The following PSMG2 variants were observed in gnomAD, a reference collection of about 807,000 sequenced individuals.
PSMG2 encodes proteasome assembly chaperone 2, also known as CD40 ligand-activated specific transcript 3.
A neutral mutation model predicts 31.5 loss-of-function variants in PSMG2; 21 were observed. That is an observed-to-expected ratio of 0.67 (90% CI 0.47 to 0.96). PSMG2 has a LOEUF of 0.96. Ranked by LOEUF, PSMG2 falls within the 40% of genes least tolerant of loss-of-function variation. PSMG2 has a pLI of 0.00. For synonymous variants in PSMG2, 120 were observed against 110.4 expected, an observed-to-expected ratio of 1.09 and a Z score of -0.54; for missense variants, 318 against 321.2, an observed-to-expected ratio of 0.99 and a Z score of 0.08.
chr18:12,710,889 C>T (rs1047671713), intron 2 of PSMG2, among the ~76,000 whole-genome samples: 1 of 152,098 alleles, frequency 6.6e-6, no homozygotes, highest in Non-Finnish European at 1.5e-5. Context: ...TGCCTGAGCT[C>T]AGGAGTTCGA....
chr18:12,661,467 T>C, intron 1 of PSMG2: 1 of 514,350 alleles, frequency 1.9e-6, no homozygotes, highest in Non-Finnish European at 2.5e-6. Context: ...TTTCTCATTT[T>C]CAATTCAAAT....
At chr18:12,671,642 C>CTTTTTTTTT (rs869130220) in intron 1 of PSMG2, among the ~76,000 whole-genome samples, 2 of 55,546 alleles carry the variant, frequency 3.6e-5, no homozygotes, top group Non-Finnish European at 7.2e-5. Flanking sequence ...TTCACACTTT[C>CTTTTTTTTT]TTTTTTTTTT....
intron 1 of PSMG2, chr18:12,680,732 G>T (rs759147245): frequency 6.2e-7 from 1 of 1,613,638 alleles, no homozygotes; most frequent in South Asian, 1.1e-5. Context: ...CATGCATGAG[G>T]TACTCCTTTT....
At chr18:12,672,742 T>C (rs1441906732) in intron 1 of PSMG2, 1 of 973,074 alleles carries the variant, frequency 1.0e-6, no homozygotes, top group Non-Finnish European at 1.2e-6. Context: ...TATTTCTAAA[T>C]GATTCATGTA....
rs187360197 is a variant in PSMG2, at chr18:12,721,435, C to T, written c.581+752C>T. The stretch of plus-strand genomic sequence containing the variant: ...CACATTTTAACTATATTTAAGCGTA[C>T]AATCAAGTGCCATTAATTCACAGCA... On this transcript the variant is annotated intron_variant, in intron 5 of 6. Coordinates refer to ENST00000317615, the MANE Select transcript of PSMG2 (RefSeq NM_020232.5). Among the ~76,000 whole-genome samples the T allele has an allele frequency of 2.7e-3, 415 of 152,166 alleles. 1 individual carries two copies. The highest frequency in any genetic ancestry group is 4.0e-3 in the Non-Finnish European group (273 of 68,014).
rs188396216 is a variant in PSMG2 at position 12,706,853 on chromosome 18, A to G, written c.229+132A>G. ...AACTTTGTGTAGAGTTCACAACCCAATCACATTGTCCTATTCTTTTATGTC... is the reference window on the plus strand; with the variant it reads ...AACTTTGTGTAGAGTTCACAACCCAGTCACATTGTCCTATTCTTTTATGTC... On this transcript the variant is annotated intron_variant, in intron 2 of 6. Coordinates refer to ENST00000317615, the MANE Select transcript of PSMG2 (RefSeq NM_020232.5). 114 of 885,278 alleles carry G rather than the reference A, an allele frequency of 1.3e-4. 1 individual carries two copies. The African/African-American group carries it at 1.7e-3, about 13-fold the overall frequency. The allele number at this position is 885,278 out of a possible 1,614,324, so 54.8% of individuals were successfully genotyped here.
intron 1 of PSMG2, among the ~76,000 whole-genome samples, chr18:12,704,400 G>A (rs9951576): frequency 0.39 from 59,220 of 151,892 alleles, 11,949 homozygotes; most frequent in Non-Finnish European, 0.45. Flanking sequence ...CAGCCTGGGC[G>A]ACATAGTGAT....
intron 1 of PSMG2, among the ~76,000 whole-genome samples, chr18:12,682,868 C>T (rs1458517577): frequency 6.6e-6 from 1 of 150,664 alleles, no homozygotes; most frequent in East Asian, 2.0e-4. Context: ...GTGATCCACC[C>T]ACCTCGGCCT....
At chr18:12,666,726 G>A (rs2038811904) in intron 1 of PSMG2, among the ~76,000 whole-genome samples, 1 of 151,378 alleles carries the variant, frequency 6.6e-6, no homozygotes, top group Non-Finnish European at 1.5e-5. Flanking sequence ...TGGAATTACA[G>A]GCTTCAGTCA....
upstream of PSMG2, chr18:12,701,044 G>A (rs1258065223): frequency 1.2e-6 from 2 of 1,613,430 alleles, no homozygotes; most frequent in Admixed American, 1.7e-5. Context: ...GATAAATGCT[G>A]TTGATCAGGT....
chr18:12,706,641 A>AT lies in PSMG2; in HGVS notation c.151dup (p.Cys51LeufsTer22). The AT allele has an allele frequency of 2.5e-6, 4 of 1,614,062 alleles. No individual in the cohort carries two copies. Among genetic ancestry groups the AT allele is most frequent in the Non-Finnish European group, 3.4e-6 (4 of 1,179,936 alleles). ...TCTAAGATTGGTTACTTCTATACCG[A>AT]TTGTCTTGTGCCAATGGTTGGAAAC... On this transcript the variant is annotated frameshift_variant, in exon 2 of 7. Transcript: ENST00000317615. LOFTEE classifies it high-confidence loss of function.
rs138065437 is a variant in PSMG2 at position 12,725,467 on chromosome 18, G to A, written c.731G>A (p.Arg244Gln). 314 of 1,603,268 alleles carry A rather than the reference G, an allele frequency of 2.0e-4. No individual in the cohort carries two copies. Among genetic ancestry groups the A allele is most frequent in the African/African-American group, 1.2e-3 (91 of 74,704 alleles). ...GATGACCCCACAGTATCTGCCTCAC[G>A]GTGGAAAATACCAAGTTCTTGGAGA... ...LSDDPTVSASRWKIPSSWRLL... is the reference protein window; with the variant it reads ...LSDDPTVSASQWKIPSSWRLL... Residue 244 changes from arginine (R) to glutamine (Q), a missense_variant, in exon 7 of 7, where the codon CGG becomes CAG. Physicochemically the swap from Arg to Gln is conservative, Grantham distance 43 (BLOSUM62 1). Transcript: ENST00000317615.
Position 12,672,222 on chromosome 18 carries a change from C to T in PSMG2, c.-37+13449C>T, listed in dbSNP as rs373511476. ...CTCTGCCTCCCAGGTTCAAGCGATT[C>T]TCCTGCCTCAGCCTCCTGAGTAGCT... On this transcript the variant is annotated intron_variant, in intron 1 of 6. Transcript: ENST00000585331. Among the ~76,000 whole-genome samples the T allele has an allele frequency of 5.3e-5, 8 of 151,902 alleles. No homozygotes were observed. The East Asian group carries it at 9.7e-4, about 18-fold the overall frequency.
At chr18:12,711,377 C>T (rs1009155941) in intron 2 of PSMG2, among the ~76,000 whole-genome samples, 1 of 152,160 alleles carries the variant, frequency 6.6e-6, no homozygotes, top group Non-Finnish European at 1.5e-5. Flanking sequence ...CCTACAGATA[C>T]ATTCTTTTCA....
At chr18:12,690,345 T>C (rs2039706258) in intron 1 of PSMG2, among the ~76,000 whole-genome samples, 1 of 152,170 alleles carries the variant, frequency 6.6e-6, no homozygotes, top group Non-Finnish European at 1.5e-5. Flanking sequence ...TAACTTAAAA[T>C]AATATACTAC....
upstream of PSMG2, chr18:12,702,943 T>C: frequency 1.3e-6 from 1 of 759,356 alleles, no homozygotes; most frequent in South Asian, 2.1e-5. Flanking sequence ...CTTTCCGCCC[T>C]CTGAACCGGC....
At chr18:12,684,787 G>C (rs2039480827) in intron 1 of PSMG2, 1 of 151,330 alleles carries the variant, frequency 6.6e-6, no homozygotes, top group South Asian at 2.1e-4. Context: ...CTGGCCTAAA[G>C]ATAGTTTTAC....
intron 1 of PSMG2, chr18:12,662,251 G>A: frequency 2.3e-6 from 1 of 432,644 alleles, no homozygotes; most frequent in Non-Finnish European, 4.6e-6. Flanking sequence ...GCCCACAATT[G>A]TAATACCTTA....
upstream of PSMG2, chr18:12,700,950 T>C (rs1256916618): frequency 6.2e-7 from 1 of 1,607,934 alleles, no homozygotes; most frequent in Admixed American, 1.7e-5. Context: ...CCCTAAAAGA[T>C]TACTCACAGT....
Sources: gnomAD v4.1 joint callset for allele counts (sites outside exome capture counted in the v4.1 genomes callset) on GRCh38, gnomAD v4.1.1 for gene constraint, MANE v1.5 for transcripts, NCBI Gene and HGNC (gene_info 2026-07-23, HGNC 2026-07-21) for gene names.